DNASE1: variants seen among roughly 807,000 people sequenced by gnomAD.
DNASE1 encodes deoxyribonuclease-1.
DNASE1 carries 40 observed loss-of-function variants against 33.9 expected under a neutral mutation model. The ratio of observed to expected loss-of-function variants is 1.18; its 90% CI spans 0.92 to 1.54. The LOEUF (loss-of-function observed/expected upper bound fraction) is 1.54. Ranked by LOEUF, DNASE1 falls within the 40% of genes most tolerant of loss-of-function variation. The pLI, the probability that DNASE1 is intolerant of heterozygous loss-of-function variation, is 0.00. For missense variants in DNASE1, 518 were observed against 372.6 expected, an observed-to-expected ratio of 1.39 and a Z score of -3.21; for synonymous variants, 216 against 160.0, an observed-to-expected ratio of 1.35 and a Z score of -2.64.
At chr16:3,630,835 C>G (rs1419436651) in intron 1 of DNASE1, among the ~76,000 whole-genome samples, 1 of 151,842 alleles carries the variant, frequency 6.6e-6, no homozygotes, top group Non-Finnish European at 1.5e-5. Flanking sequence ...GACCCTGTCT[C>G]TCTAAAAATA....
intron 1 of DNASE1, among the ~76,000 whole-genome samples, chr16:3,632,268 T>C (rs2041722560): frequency 6.6e-6 from 1 of 152,212 alleles, no homozygotes; most frequent in African/African-American, 2.4e-5. Flanking sequence ...ATGTCCTTAC[T>C]GATTTTCTGC....
chr16:3,663,356 C>T, exon 10 of DNASE1: 1 of 1,595,804 alleles, frequency 6.3e-7, no homozygotes, highest in South Asian at 1.1e-5. Context: ...GAAGCCCTCG[C>T]TGCGGGGCAG....
intron 1 of DNASE1, among the ~76,000 whole-genome samples, chr16:3,623,788 G>A (rs933583367): frequency 2.0e-5 from 3 of 151,892 alleles, no homozygotes; most frequent in South Asian, 2.1e-4. Flanking sequence ...ACATACAAGC[G>A]GCAAAGAAAC....
chr16:3,662,771 T>TCTG (rs1460754914), downstream of DNASE1: 2 of 1,011,416 alleles, frequency 2.0e-6, no homozygotes, highest in Non-Finnish European at 3.1e-6. Context: ...ACCAAGGGCT[T>TCTG]CTGCTGCTGC....
intron 1 of DNASE1, among the ~76,000 whole-genome samples, chr16:3,620,833 C>G (rs1406771901): frequency 1.3e-5 from 2 of 150,800 alleles, no homozygotes; most frequent in Non-Finnish European, 3.0e-5. Context: ...CAGAGTCTTA[C>G]TCTGTCACCC....
chr16:3,622,796 G>A lies in DNASE1; in HGVS notation c.-1359+10790G>A, dbSNP rs551151828. On this transcript the variant is annotated intron_variant and NMD_transcript_variant, in intron 1 of 11. Transcript: ENST00000570769. ...AATTTTTTCCATGTAGAGCTTTACA[G>A]TTTTTTGTAGTAAAATAACTTTTCT... Among the ~76,000 whole-genome samples the A allele has an allele frequency of 2.0e-5, 3 of 152,234 alleles. No homozygotes were observed. The South Asian group carries it at 6.2e-4, about 32-fold the overall frequency.
chr16:3,625,799 C>G (rs1033181342), intron 1 of DNASE1, among the ~76,000 whole-genome samples: 2 of 152,018 alleles, frequency 1.3e-5, no homozygotes, highest in African/African-American at 4.8e-5. Context: ...TTATAAGGCA[C>G]CATTAAGAGG....
intron 1 of DNASE1, among the ~76,000 whole-genome samples, chr16:3,618,781 GC>G (rs1567185001): frequency 4.6e-5 from 7 of 152,138 alleles, no homozygotes; most frequent in Non-Finnish European, 1.5e-5. Context: ...CAGTCTAAAT[GC>G]CCTTCAGTGC....
exon 10 of DNASE1, chr16:3,665,263 G>A (rs1381590371): frequency 1.3e-5 from 2 of 152,264 alleles, no homozygotes; most frequent in African/African-American, 2.4e-5. Context: ...CACACACGTG[G>A]TCACCCTCCT....
chr16:3,615,893 G>T, intron 1 of DNASE1, among the ~76,000 whole-genome samples: 1 of 152,208 alleles, frequency 6.6e-6, no homozygotes. Context: ...TCCCAGGTCT[G>T]TGGTTTGATT....
At chr16:3,651,932 T>C (rs1190914825), upstream of DNASE1, 2 of 152,260 alleles carry the variant, frequency 1.3e-5, no homozygotes, top group East Asian at 3.9e-4. Flanking sequence ...GTGAAATGAT[T>C]GTTCTGGGAA....
At chr16:3,632,873 A>G (rs1472156890) in intron 1 of DNASE1, among the ~76,000 whole-genome samples, 2 of 152,186 alleles carry the variant, frequency 1.3e-5, no homozygotes, top group Non-Finnish European at 2.9e-5. Flanking sequence ...GGAGTGAGCA[A>G]CTGTGCCCAG....
chr16:3,655,667 G>A, intron 2 of DNASE1, 147 bp downstream of exon 2: 4 of 1,432,412 alleles, frequency 2.8e-6, no homozygotes, highest in Non-Finnish European at 2.9e-6. Context: ...GCTCTTGGCT[G>A]TGGACCAAGG....
chr16:3,638,574 G>A (rs530951763), upstream of DNASE1, among the ~76,000 whole-genome samples: 18 of 152,258 alleles, frequency 1.2e-4, 1 homozygote, highest in South Asian at 2.9e-3. Context: ...TCCTGACCTC[G>A]TGATCCGCCT....
At chr16:3,644,298 G>C (rs2379220) in intron 1 of DNASE1, among the ~76,000 whole-genome samples, 71,923 of 151,892 alleles carry the variant, frequency 0.47, 19,814 homozygotes, top group African/African-American at 0.78. Context: ...TGCAGTGGCT[G>C]ACACCTGTAA....
intron 1 of DNASE1, among the ~76,000 whole-genome samples, chr16:3,631,578 G>A (rs912715522): frequency 1.3e-5 from 2 of 151,946 alleles, no homozygotes; most frequent in Admixed American, 6.6e-5. Context: ...AGGCTGGAGT[G>A]CAGTGGCATG....
intron 1 of DNASE1, among the ~76,000 whole-genome samples, chr16:3,628,471 G>A (rs1203570187): frequency 6.6e-6 from 1 of 152,048 alleles, no homozygotes; most frequent in Non-Finnish European, 1.5e-5. Flanking sequence ...AATAGTAGTG[G>A]TAAAGGTGAA....
chr16:3,627,937 C>CA (rs55920324), intron 1 of DNASE1, among the ~76,000 whole-genome samples: 14,356 of 79,530 alleles, frequency 0.18, 1,255 homozygotes, highest in East Asian at 0.32. Flanking sequence ...TCTATTTCTG[C>CA]AAAAAAAAAA....
upstream of DNASE1, among the ~76,000 whole-genome samples, chr16:3,639,155 C>T (rs1471601113): frequency 6.6e-6 from 1 of 152,212 alleles, no homozygotes; most frequent in African/African-American, 2.4e-5. Flanking sequence ...TGCGTCTCAA[C>T]TCTAAATCCA....
Sources: gnomAD v4.1 joint callset for allele counts (sites outside exome capture counted in the v4.1 genomes callset) on GRCh38, gnomAD v4.1.1 for gene constraint, MANE v1.5 for transcripts, NCBI Gene and HGNC (gene_info 2026-07-23, HGNC 2026-07-21) for gene names.